PCDH19: variants seen among roughly 807,000 people sequenced by gnomAD.
The protein encoded by PCDH19 is protocadherin 19, also known as protocadherin-19.
In PCDH19, 6 loss-of-function variants were observed where a neutral mutation model predicts 46.2. The observed-to-expected ratio is 0.13, with a 90% CI of 0.07 to 0.26. PCDH19 has a LOEUF of 0.26. Among genes scored for constraint, PCDH19 ranks in the 10% least tolerant of loss-of-function variants. The pLI, the probability that PCDH19 is intolerant of heterozygous loss-of-function variation, is 1.00. For synonymous variants in PCDH19, 481 were observed against 415.7 expected, an observed-to-expected ratio of 1.16 and a Z score of -1.91; for missense variants, 740 against 972.3, an observed-to-expected ratio of 0.76 and a Z score of 3.18.
intron 5 of PCDH19, among the ~76,000 whole-genome samples, chrX:100,323,201 C>G (rs982628816): frequency 9.1e-6 from 1 of 110,458 alleles, no homozygotes; most frequent in Non-Finnish European, 1.9e-5. Context: ...TGTAGACATA[C>G]CTGGGTACTA....
Position 100,406,978 on chromosome X carries a change from A to G in PCDH19, c.1620T>C (p.Leu540=). 1 of 1,211,455 alleles carries G rather than the reference A, an allele frequency of 8.3e-7. No homozygotes were observed. The highest frequency in any genetic ancestry group is 2.3e-4 in the Middle Eastern group (1 of 4,353). Reference sequence around the variant, plus strand: ...CCGTAGCGTTGCTTTGCAGTGAGGGAAGGCCGCCGTCCTTGGCCAGCACCT... The same window carrying G: ...CCGTAGCGTTGCTTTGCAGTGAGGGGAGGCCGCCGTCCTTGGCCAGCACCT... ...EFKVLAKDGG[L]PSLQSNATVR... The change falls in exon 1 of 6, where the codon CTT becomes CTC. Residue 540 remains leucine (L), a synonymous_variant. Transcript: ENST00000373034.
At chrX:100,311,571 A>G (rs772779217) in intron 5 of PCDH19, among the ~76,000 whole-genome samples, 31 of 111,306 alleles carry the variant, frequency 2.8e-4, no homozygotes, top group Non-Finnish European at 1.9e-4. Context: ...TTGACTACCA[A>G]TATGTTCCTA....
rs774911024 is a variant in PCDH19 at position 100,406,948 on chromosome X, C to T, written c.1650G>A (p.Arg550=). The T allele has an allele frequency of 8.3e-7, 1 of 1,211,837 alleles. No homozygotes were observed. The highest frequency in any genetic ancestry group is 1.7e-5 in the African/African-American group (1 of 57,824). ...TGTCGTTGACGTCGAGGATGATGAC[C>T]CGCACCGTAGCGTTGCTTTGCAGTG... ...LPSLQSNATV[R]VIILDVNDNT... is the part of the protein sequence containing the mutation. Residue 550 remains arginine, a synonymous_variant, in exon 1 of 6, where the codon CGG becomes CGA. Coordinates refer to ENST00000373034, the MANE Select transcript of PCDH19 (RefSeq NM_001184880.2).
chrX:100,370,653 T>C (rs1203924114), intron 3 of PCDH19, among the ~76,000 whole-genome samples: 2 of 112,303 alleles, frequency 1.8e-5, no homozygotes, highest in African/African-American at 6.5e-5. Context: ...AATTGGCTTG[T>C]CTTGCTGGAC....
chrX:100,336,047 C>A, intron 5 of PCDH19, among the ~76,000 whole-genome samples: 1 of 112,298 alleles, frequency 8.9e-6, no homozygotes, highest in Middle Eastern at 4.6e-3. Context: ...CCAGGGGGAT[C>A]TAATCAACCG....
At chrX:100,326,923 A>C (rs1048545207) in intron 5 of PCDH19, among the ~76,000 whole-genome samples, 1 of 111,309 alleles carries the variant, frequency 9.0e-6, no homozygotes, top group Admixed American at 9.5e-5. Flanking sequence ...TTAAAGTTCA[A>C]TATTCTAGAA....
chrX:100,360,494 G>A (rs901131711), intron 3 of PCDH19, among the ~76,000 whole-genome samples: 1 of 112,241 alleles, frequency 8.9e-6, no homozygotes, highest in Non-Finnish European at 1.9e-5. Context: ...AAACAGAGGG[G>A]TGTCTCAGTA....
rs748270819 is a variant in PCDH19, at chrX:100,407,772, A to C, written c.826T>G (p.Ser276Ala). 9 of 1,212,186 alleles carry C rather than the reference A, an allele frequency of 7.4e-6. No individual in the cohort carries two copies. In the South Asian group the frequency reaches 1.6e-4, roughly 21 times the overall value. Residue 276 changes from serine (S) to alanine (A), a missense_variant, in exon 1 of 6, where the codon TCC becomes GCC. Around this residue, in one of 5 missense-constraint regions of PCDH19, gnomAD observed 186 missense variants for 319.9 expected, o/e 0.58. Transcript: ENST00000373034. Reference sequence around the variant, plus strand: ...CGGTCGTTGACGTAGCCATAGAAGGAGTAGACCACCTGGCCGTTGGTGCCC... The same window carrying C: ...CGGTCGTTGACGTAGCCATAGAAGGCGTAGACCACCTGGCCGTTGGTGCCC... ...DEGTNGQVVYSFYGYVNDRTR... is the reference protein window; with the variant it reads ...DEGTNGQVVYAFYGYVNDRTR...
At chrX:100,299,056 G>A (rs1421751336) in intron 5 of PCDH19, among the ~76,000 whole-genome samples, 1 of 111,104 alleles carries the variant, frequency 9.0e-6, no homozygotes, top group Non-Finnish European at 1.9e-5. Flanking sequence ...TGCAGGTGGG[G>A]GAAAAGTTCA....
rs1307487968 is a variant in PCDH19, at chrX:100,292,653, C to T, written c.*3624G>A. On this transcript the variant is annotated 3_prime_UTR_variant, in exon 6 of 6. Coordinates refer to ENST00000373034, the MANE Select transcript of PCDH19 (RefSeq NM_001184880.2). ...CCTTTGAATATTACTTTGTTACATACTTAAACTAAAGAACAACATCTCAAT... is the reference window on the plus strand; with the variant it reads ...CCTTTGAATATTACTTTGTTACATATTTAAACTAAAGAACAACATCTCAAT... The T allele has an allele frequency of 1.8e-5, 2 of 111,814 alleles. No individual in the cohort carries two copies. The highest frequency in any genetic ancestry group is 3.8e-5 in the Non-Finnish European group (2 of 53,144). 9.2% of individuals were successfully genotyped at this position (111,814 alleles called of 1,213,427 possible).
chrX:100,357,705 T>C (rs781354556), intron 3 of PCDH19, among the ~76,000 whole-genome samples: 39 of 112,030 alleles, frequency 3.5e-4, no homozygotes, highest in African/African-American at 1.2e-3. Context: ...CCACGTTCCT[T>C]AGCATTTTCT....
At chrX:100,364,169 G>A (rs974117141) in intron 3 of PCDH19, among the ~76,000 whole-genome samples, 14 of 109,729 alleles carry the variant, frequency 1.3e-4, no homozygotes, top group Non-Finnish European at 2.5e-4. Flanking sequence ...GGCTGGAAAG[G>A]AGCCATTCAA....
At chrX:100,310,588 T>C (rs1284373918) in intron 5 of PCDH19, among the ~76,000 whole-genome samples, 1 of 110,771 alleles carries the variant, frequency 9.0e-6, no homozygotes, top group Non-Finnish European at 1.9e-5. Context: ...CAATGAGCTA[T>C]TCCCCAAAAG....
intron 5 of PCDH19, among the ~76,000 whole-genome samples, chrX:100,319,266 A>G (rs187733586): frequency 1.8e-5 from 2 of 111,861 alleles, no homozygotes; most frequent in East Asian, 5.6e-4. Context: ...GACACATATG[A>G]TAAAAGGAAA....
intron 1 of PCDH19, 103 bp from the exon 2 acceptor site, chrX:100,403,767 T>A: frequency 1.4e-6 from 1 of 698,974 alleles, no homozygotes; most frequent in Non-Finnish European, 2.1e-6. Flanking sequence ...TCAATTTAAT[T>A]AACACTGACA....
chrX:100,317,247 T>C (rs1925337811), intron 5 of PCDH19, among the ~76,000 whole-genome samples: 1 of 111,975 alleles, frequency 8.9e-6, no homozygotes, highest in Non-Finnish European at 1.9e-5. Flanking sequence ...TAGACGATAC[T>C]TAAGTTCTGC....
In PCDH19 at chrX:100,333,165, G is replaced by GA. The variant is rs1569294642; in HGVS notation, c.2848+8737_2848+8738insT. The stretch of plus-strand genomic sequence containing the variant: ...AGGAAGGAAGGAAGGAAGGAAGGAA[G>GA]GAAGGAAGGGAGAGAGAGAGAAAGA... On this transcript the variant is annotated intron_variant, in intron 5 of 5. Coordinates refer to ENST00000373034, the MANE Select transcript of PCDH19 (RefSeq NM_001184880.2). 7.2e-4 allele frequency among the ~76,000 whole-genome samples: 35 copies of GA among 48,373 alleles called. 1 individual carries two copies. Among genetic ancestry groups the GA allele is most frequent in the Admixed American group, 1.8e-3 (8 of 4,360 alleles). 42.0% of individuals were successfully genotyped at this position (48,373 alleles called of 115,157 possible).
chrX:100,386,384 T>C (rs1927717805), intron 3 of PCDH19, among the ~76,000 whole-genome samples: 1 of 111,914 alleles, frequency 8.9e-6, no homozygotes, highest in Non-Finnish European at 1.9e-5. Context: ...TTGGCAAGTG[T>C]AAATAGAATT....
chrX:100,403,434 C>T (rs1602633198), intron 2 of PCDH19, 90 bp downstream of exon 2: 1 of 950,146 alleles, frequency 1.1e-6, no homozygotes, highest in Non-Finnish European at 1.5e-6. Context: ...TGCCCTAGCC[C>T]GGTTCCCTTT....
Sources: gnomAD v4.1 joint callset for allele counts (sites outside exome capture counted in the v4.1 genomes callset) on GRCh38, gnomAD v4.1.1 for gene constraint, gnomAD v4.1.1 regional missense constraint, MANE v1.5 for transcripts, NCBI Gene and HGNC (gene_info 2026-07-23, HGNC 2026-07-21) for gene names.